RGS8: variants seen among roughly 807,000 people sequenced by gnomAD.
RGS8 encodes the protein regulator of G protein signaling 8.
RGS8 carries 8 observed loss-of-function variants against 21.7 expected under a neutral mutation model. That is an observed-to-expected ratio of 0.37 (90% CI 0.22 to 0.66). The LOEUF (loss-of-function observed/expected upper bound fraction) is 0.66. Among genes scored for constraint, RGS8 ranks in the 30% least tolerant of loss-of-function variants. The probability of loss-of-function intolerance (pLI) is 0.59; values close to 1 mark genes in which losing one functional copy is unlikely to be tolerated. For synonymous variants in RGS8, 80 were observed against 83.6 expected, an observed-to-expected ratio of 0.96 and a Z score of 0.24; for missense variants, 157 against 217.9, an observed-to-expected ratio of 0.72 and a Z score of 1.76.
chr1:182,675,310 C>T (rs553530778), upstream of RGS8, among the ~76,000 whole-genome samples: 1 of 152,242 alleles, frequency 6.6e-6, no homozygotes, highest in East Asian at 1.9e-4. Flanking sequence ...TGAAGTATTT[C>T]TCAACTTCAT....
In RGS8 at chr1:182,648,921, C is replaced by T. The variant is rs922957677; in HGVS notation, c.194-618G>A. Among the ~76,000 whole-genome samples, 15 of 152,198 alleles carry T rather than the reference C, an allele frequency of 9.9e-5. 1 individual carries two copies. The highest frequency in any genetic ancestry group is 4.4e-5 in the Non-Finnish European group (3 of 67,990). On this transcript the variant is annotated intron_variant, in intron 5 of 6. Coordinates refer to ENST00000483095, the Ensembl canonical transcript of RGS8. ...TTCGAGACCAGCCTGGCCAACATGG[C>T]AAAACGTCATCTCTACTAAATACAA... is the stretch of plus-strand genomic sequence containing the variant.
At chr1:182,666,226 A>G (rs1663851137) in intron 4 of RGS8, among the ~76,000 whole-genome samples, 193 bp from the exon 6 acceptor site, 1 of 152,244 alleles carries the variant, frequency 6.6e-6, no homozygotes. Context: ...TGATGAAAAA[A>G]AACCTCAAGA....
the RGS8 span, among the ~76,000 whole-genome samples, chr1:182,702,743 T>C: frequency 6.6e-6 from 1 of 152,080 alleles, no homozygotes; most frequent in East Asian, 1.9e-4. Flanking sequence ...AACCCCTAAG[T>C]GATAATAATA....
At chr1:182,643,592 A>C (rs1352258718), downstream of RGS8, 1 of 152,156 alleles carries the variant, frequency 6.6e-6, no homozygotes, top group East Asian at 1.9e-4. Flanking sequence ...CTTATTAAAA[A>C]TGTGGATTTC....
chr1:182,738,969 C>T, the RGS8 span, among the ~76,000 whole-genome samples: 1 of 152,216 alleles, frequency 6.6e-6, no homozygotes, highest in Non-Finnish European at 1.5e-5. Flanking sequence ...GACAATCTCT[C>T]TTTCATACAA....
At chr1:182,727,038 C>T in the RGS8 span, among the ~76,000 whole-genome samples, 1,681 of 152,304 alleles carry the variant, frequency 0.011, 13 homozygotes, top group Non-Finnish European at 0.02. Flanking sequence ...CTCATTCCAA[C>T]ATTCCCCATC....
the RGS8 span, among the ~76,000 whole-genome samples, chr1:182,752,173 A>G: frequency 6.6e-6 from 1 of 152,182 alleles, no homozygotes; most frequent in African/African-American, 2.4e-5. Flanking sequence ...CAGAGACAAG[A>G]CTTCCAAGCC....
intron 5 of RGS8, among the ~76,000 whole-genome samples, chr1:182,663,200 A>C (rs1428772778): frequency 6.6e-6 from 1 of 152,184 alleles, no homozygotes; most frequent in African/African-American, 2.4e-5. Context: ...CCTTTGGAAA[A>C]GCTTAATCAG....
the RGS8 span, among the ~76,000 whole-genome samples, chr1:182,700,900 A>G: frequency 6.6e-6 from 1 of 152,254 alleles, no homozygotes; most frequent in Non-Finnish European, 1.5e-5. Context: ...ATCATGTGTA[A>G]CATAGCAGAA....
chr1:182,729,630 T>C, the RGS8 span, among the ~76,000 whole-genome samples: 4 of 152,230 alleles, frequency 2.6e-5, no homozygotes, highest in African/African-American at 9.6e-5. Flanking sequence ...TATATTAATA[T>C]ACTGATAAGT....
intron 5 of RGS8, among the ~76,000 whole-genome samples, chr1:182,661,904 G>A (rs1451071649): frequency 6.6e-6 from 1 of 151,916 alleles, no homozygotes; most frequent in Non-Finnish European, 1.5e-5. Flanking sequence ...TGTTACTGGT[G>A]AAAAGGAAAA....
At chr1:182,719,787 C>A in the RGS8 span, among the ~76,000 whole-genome samples, 1 of 151,834 alleles carries the variant, frequency 6.6e-6, no homozygotes, top group African/African-American at 2.4e-5. Context: ...TGCAGAGCAA[C>A]CAAAATAAAT....
At chr1:182,688,463 G>A (rs1238797805), upstream of RGS8, among the ~76,000 whole-genome samples, 1 of 152,172 alleles carries the variant, frequency 6.6e-6, no homozygotes, top group Non-Finnish European at 1.5e-5. Flanking sequence ...AGAAAAAGAG[G>A]CGAAGTGTTA....
upstream of RGS8, among the ~76,000 whole-genome samples, chr1:182,674,448 C>T (rs991155733): frequency 1.3e-5 from 2 of 152,120 alleles, no homozygotes; most frequent in African/African-American, 2.4e-5. Flanking sequence ...GGAAACGGAA[C>T]ATTAAAACTA....
chr1:182,702,506 G>A, the RGS8 span, among the ~76,000 whole-genome samples: 4 of 152,136 alleles, frequency 2.6e-5, no homozygotes, highest in African/African-American at 7.2e-5. Context: ...TAACAAATCT[G>A]CACATGTACC....
At chr1:182,661,872 A>G (rs767654459) in intron 5 of RGS8, among the ~76,000 whole-genome samples, 7 of 151,858 alleles carry the variant, frequency 4.6e-5, no homozygotes, top group Non-Finnish European at 8.8e-5. Context: ...TACATGCACA[A>G]CTCACAGACA....
At chr1:182,679,716 T>C (rs975981001) in intron 1 of RGS8, among the ~76,000 whole-genome samples, 1 of 151,978 alleles carries the variant, frequency 6.6e-6, no homozygotes, top group African/African-American at 2.4e-5. Flanking sequence ...CCCTCAGATA[T>C]CCTACAGGCC....
the RGS8 span, among the ~76,000 whole-genome samples, chr1:182,718,478 C>A: frequency 6.6e-6 from 1 of 152,246 alleles, no homozygotes; most frequent in Non-Finnish European, 1.5e-5. Flanking sequence ...TGGCATCGCA[C>A]TTCCTGAAGC....
chr1:182,710,250 G>T, the RGS8 span, among the ~76,000 whole-genome samples: 2 of 152,154 alleles, frequency 1.3e-5, no homozygotes, highest in Non-Finnish European at 2.9e-5. Context: ...TGAACAAAGT[G>T]CAATTCCTGC....
Sources: gnomAD v4.1 joint callset for allele counts (sites outside exome capture counted in the v4.1 genomes callset) on GRCh38, gnomAD v4.1.1 for gene constraint, MANE v1.5 for transcripts, NCBI Gene and HGNC (gene_info 2026-07-23, HGNC 2026-07-21) for gene names.